Variants in ACAN observed in about 807,000 individuals in gnomAD.
ACAN encodes the protein aggrecan core protein.
A neutral mutation model predicts 169.1 loss-of-function variants in ACAN; 47 were observed. The observed-to-expected ratio is 0.28, with a 90% CI of 0.22 to 0.35. The LOEUF (loss-of-function observed/expected upper bound fraction) is 0.35, where lower values mean the gene tolerates loss of function less well. Ranked by LOEUF, ACAN falls within the 10% of genes least tolerant of loss-of-function variation. ACAN has a pLI of 1.00. For missense variants in ACAN, 2,716 were observed against 2,759.9 expected (o/e 0.98, Z 0.36); for synonymous variants, 1,115 against 1,112.2 (o/e 1.00, Z -0.05).
Position 88,859,119 on chromosome 15 carries a change from G to C in ACAN, c.6534G>C (p.Gly2178=), listed in dbSNP as rs775089463. ...SGESTTTSDV[G]TEAPGLPSAT... ...AATCCACCACCACCAGTGATGTGGG[G>C]ACAGAGGCACCAGGCTTGCCTTCAG... The change falls in exon 12 of 19, where the codon GGG becomes GGC. Residue 2178 remains glycine (G), a synonymous_variant. Coordinates refer to ENST00000560601, the MANE Select transcript of ACAN (RefSeq NM_001369268.1). 9.3e-6 allele frequency: 15 copies of C among 1,613,858 alleles called. No homozygotes were observed. Among genetic ancestry groups the C allele is most frequent in the Non-Finnish European group, 1.1e-5 (13 of 1,179,898 alleles).
chr15:88,826,512 G>T (rs1274348417), intron 1 of ACAN, among the ~76,000 whole-genome samples: 1 of 151,440 alleles, frequency 6.6e-6, no homozygotes, highest in Non-Finnish European at 1.5e-5. Context: ...CAGAGCCCCA[G>T]CAGGGCCCTG....
intron 2 of ACAN, 85 bp downstream of exon 2, chr15:88,836,361 G>A (rs1002139229): frequency 8.5e-7 from 1 of 1,179,706 alleles, no homozygotes; most frequent in African/African-American, 1.5e-5. Context: ...TGGTGCTACT[G>A]GTCCCAGGGA....
chr15:88,844,295 T>A (rs1259924975), intron 6 of ACAN, among the ~76,000 whole-genome samples: 1 of 31,410 alleles, frequency 3.2e-5, no homozygotes, highest in Admixed American at 2.2e-4. Context: ...CATGCTTTGC[T>A]TTTTTTTTTT....
Position 88,849,998 on chromosome 15 carries a change from T to C in ACAN, c.2026+267T>C. 1.6e-6 allele frequency: 1 copy of C among 611,480 alleles called. No homozygotes were observed. The highest frequency in any genetic ancestry group is 2.9e-6 in the Non-Finnish European group (1 of 341,684). The allele number at this position is 611,480 out of a possible 1,614,324, so 37.9% of individuals were successfully genotyped here. A position where few individuals can be genotyped will look rare whatever the true frequency, so the allele number is the denominator to read the frequency against. ...TACTAGAAATGAAGCAGACCTGAATTTGAGTTATGGCTCTGCTACTTAATA... is the reference window on the plus strand; with the variant it reads ...TACTAGAAATGAAGCAGACCTGAATCTGAGTTATGGCTCTGCTACTTAATA... On this transcript the variant is annotated intron_variant, in intron 10 of 18. Coordinates refer to ENST00000560601, the MANE Select transcript of ACAN (RefSeq NM_001369268.1). This position sits in a 1 kb window ranked among gnomAD's most constrained non-coding sequence, Gnocchi z 5.1.
At chr15:88,835,441 G>T (rs1387592579) in intron 1 of ACAN, among the ~76,000 whole-genome samples, 1 of 152,008 alleles carries the variant, frequency 6.6e-6, no homozygotes, top group East Asian at 1.9e-4. Flanking sequence ...GAGAGAGAGA[G>T]AATTATTATA....
At chr15:88,854,647 CCCTATACTT>C (rs1251636801) in intron 11 of ACAN, among the ~76,000 whole-genome samples, 196 bp from the exon 12 acceptor site, 1 of 152,188 alleles carries the variant, frequency 6.6e-6, no homozygotes, top group African/African-American at 2.4e-5. Flanking sequence ...CTTCTTTTCT[CCCTATACTT>C]CCTTCCTTCC....
In ACAN at chr15:88,859,093, G is replaced by A. The variant is rs777387397; in HGVS notation, c.6508G>A (p.Glu2170Lys). 1.2e-6 allele frequency: 2 copies of A among 1,613,874 alleles called. No individual in the cohort carries two copies. Among genetic ancestry groups the A allele is most frequent in the Admixed American group, 3.3e-5 (2 of 60,024 alleles). The change falls in exon 12 of 19, where the codon GAA (glutamate) becomes AAA (lysine). Residue 2170 changes from glutamate to lysine, a missense_variant. This residue lies in a region of ACAN where 1,389 missense variants were observed against 1,363.7 expected (regional missense o/e 1.02). Coordinates refer to ENST00000560601, the MANE Select transcript of ACAN (RefSeq NM_001369268.1). ...GTCCGCTGCCCCAGAAGTGAGTGGA[G>A]AATCCACCACCACCAGTGATGTGGG... ...EASAAPEVSGESTTTSDVGTE... is the reference protein window; with the variant it reads ...EASAAPEVSGKSTTTSDVGTE...
Position 88,874,100 on chromosome 15 carries a change from C to T in ACAN, c.7630+76C>T, listed in dbSNP as rs765486310. On this transcript the variant is annotated intron_variant, in intron 18 of 18. Coordinates refer to ENST00000560601, the MANE Select transcript of ACAN (RefSeq NM_001369268.1). The surrounding 1 kb of genome is among the most constrained non-coding windows in gnomAD (Gnocchi z 7.3). ...CACAGCCTTCCCCCCGTCCCCTCTC[C>T]TGGGGACCCTACACCGTCCACAGGG... 1.3e-6 allele frequency: 2 copies of T among 1,546,894 alleles called. No individual in the cohort carries two copies. The highest frequency in any genetic ancestry group is 2.3e-5 in the East Asian group (1 of 43,638).
chr15:88,828,415 C>G (rs1311342983), intron 1 of ACAN, among the ~76,000 whole-genome samples: 1 of 152,094 alleles, frequency 6.6e-6, no homozygotes, highest in African/African-American at 2.4e-5. Flanking sequence ...GCTCCACTAC[C>G]CGAGCCTTTT....
Position 88,840,183 on chromosome 15 carries a change from T to C in ACAN, c.626T>C (p.Val209Ala). The C allele has an allele frequency of 6.3e-6, 10 of 1,595,064 alleles. No homozygotes were observed. Among genetic ancestry groups the C allele is most frequent in the Non-Finnish European group, 8.5e-6 (10 of 1,172,862 alleles). The change falls in exon 4 of 19, where the codon GTC becomes GCC. Residue 209 changes from valine to alanine, a missense_variant. Coordinates refer to ENST00000560601, the MANE Select transcript of ACAN (RefSeq NM_001369268.1). Reference sequence around the variant, plus strand: ...GCCGGCTGGCTGGCTGACCAGACTGTCAGGTGAGCCCTAGCCCATCAGCTA... The same window carrying C: ...GCCGGCTGGCTGGCTGACCAGACTGCCAGGTGAGCCCTAGCCCATCAGCTA... Reference protein sequence around the residue: ...CDAGWLADQTVRYPIHTPREG... With the variant: ...CDAGWLADQTARYPIHTPREG...
At position 88,871,589 on chromosome 15, in the gene ACAN, G is replaced by C; in HGVS notation, c.7219+49G>C. 6.4e-7 allele frequency: 1 copy of C among 1,562,200 alleles called. No homozygotes were observed. Among genetic ancestry groups the C allele is most frequent in the African/African-American group, 1.3e-5 (1 of 74,250 alleles). On this transcript the variant is annotated intron_variant, in intron 15 of 18. Coordinates refer to ENST00000560601, the MANE Select transcript of ACAN (RefSeq NM_001369268.1). This position sits in a 1 kb window ranked among gnomAD's most constrained non-coding sequence, Gnocchi z 7.8. ...GCCTGAGAGGAGAGTGGCGGTGTAG[G>C]CAAAGGGCCTCACCTTTCAGAAGGC... is the stretch of plus-strand genomic sequence containing the variant.
rs561506930 is a variant in ACAN at position 88,874,683 on chromosome 15, G to A, written c.*202G>A. The A allele has an allele frequency of 9.1e-5, 61 of 670,766 alleles. No homozygotes were observed. Among genetic ancestry groups the A allele is most frequent in the Middle Eastern group, 3.7e-4 (1 of 2,702 alleles). The allele number at this position is 670,766 out of a possible 1,614,324, so 41.6% of individuals were successfully genotyped here. ...CAAAACCGCATCTAATTTGTCCGCC[G>A]AATGCCAAAGCAAAGCAAACTTATT... is the stretch of plus-strand genomic sequence containing the variant. On this transcript the variant is annotated 3_prime_UTR_variant, in exon 19 of 19. Transcript: ENST00000560601. The surrounding 1 kb of genome is among the most constrained non-coding windows in gnomAD (Gnocchi z 7.3).
intron 1 of ACAN, among the ~76,000 whole-genome samples, chr15:88,811,257 T>C (rs567676179): frequency 3.9e-4 from 60 of 152,228 alleles, no homozygotes; most frequent in African/African-American, 1.4e-3. Flanking sequence ...AATCACCAAG[T>C]TTTTCAAACT....
At chr15:88,823,237 G>A (rs1896123674) in intron 1 of ACAN, among the ~76,000 whole-genome samples, 1 of 152,222 alleles carries the variant, frequency 6.6e-6, no homozygotes. Context: ...CCCAGGAAAG[G>A]TACTTGCGCC....
chr15:88,845,335 G>A (rs1300542405), intron 6 of ACAN, among the ~76,000 whole-genome samples, 170 bp from the exon 7 acceptor site: 3 of 152,208 alleles, frequency 2.0e-5, no homozygotes, highest in African/African-American at 4.8e-5. Context: ...AATGAATGCC[G>A]ATAGCTGAGT....
chr15:88,863,789 T>G (rs1008152321), intron 13 of ACAN, among the ~76,000 whole-genome samples: 1 of 152,232 alleles, frequency 6.6e-6, no homozygotes, highest in African/African-American at 2.4e-5. Flanking sequence ...AATGAAAATA[T>G]AGGGTTGCAA....
rs945679015 is a variant in ACAN at position 88,869,055 on chromosome 15, C to T, written c.7060+726C>T. 1.3e-5 allele frequency among the ~76,000 whole-genome samples: 2 copies of T among 152,206 alleles called. No homozygotes were observed. Among genetic ancestry groups the T allele is most frequent in the African/African-American group, 2.4e-5 (1 of 41,444 alleles). The stretch of plus-strand genomic sequence containing the variant: ...GGCCTTGCCAACCTCTCCATTTCTG[C>T]ACCACTTCTACCAAAAGGAGCTGTG... On this transcript the variant is annotated intron_variant, in intron 14 of 18. Coordinates refer to ENST00000560601, the MANE Select transcript of ACAN (RefSeq NM_001369268.1). The surrounding 1 kb of genome is among the most constrained non-coding windows in gnomAD (Gnocchi z 4.2).
At chr15:88,828,013 A>T (rs551943583) in intron 1 of ACAN, among the ~76,000 whole-genome samples, 105 of 152,222 alleles carry the variant, frequency 6.9e-4, no homozygotes, top group African/African-American at 2.3e-3. Context: ...TTGGCCTAGT[A>T]GTTTGAAACA....
At chr15:88,818,891 G>A (rs1306600691) in intron 1 of ACAN, among the ~76,000 whole-genome samples, 1 of 152,186 alleles carries the variant, frequency 6.6e-6, no homozygotes, top group Non-Finnish European at 1.5e-5. Context: ...TACATTTTTA[G>A]AAGATTAAGA....
Sources: gnomAD v4.1 joint callset for allele counts (sites outside exome capture counted in the v4.1 genomes callset) on GRCh38, gnomAD v4.1.1 for gene constraint, gnomAD v4.1.1 regional missense constraint, Gnocchi (gnomAD v3.1) non-coding constraint, MANE v1.5 for transcripts, NCBI Gene and HGNC (gene_info 2026-07-23, HGNC 2026-07-21) for gene names.